The following YAF2 variants were observed in gnomAD, a reference collection of about 807,000 sequenced individuals.
YAF2 encodes YY1 associated factor 2.
YAF2 carries 7 observed loss-of-function variants against 20.1 expected under a neutral mutation model. That is an observed-to-expected ratio of 0.35 (90% confidence interval 0.20 to 0.65). The LOEUF (loss-of-function observed/expected upper bound fraction) is 0.65, where lower values mean the gene tolerates loss of function less well. YAF2 is among the 30% of genes least tolerant of loss of function. The pLI, the probability that YAF2 is intolerant of heterozygous loss-of-function variation, is 0.69. For synonymous variants in YAF2, 74 were observed against 76.0 expected (o/e 0.97, Z 0.14); for missense variants, 151 against 219.2 (o/e 0.69, Z 1.96).
chr12:42,214,259 C>T (rs1262425961), intron 2 of YAF2, among the ~76,000 whole-genome samples: 1 of 152,190 alleles, frequency 6.6e-6, no homozygotes, highest in East Asian at 1.9e-4. Flanking sequence ...AACTACAACT[C>T]TTTCACAAAT....
intron 1 of YAF2, 26 bp from the exon 2 acceptor site, chr12:42,237,750 GC>G: frequency 6.7e-7 from 1 of 1,491,476 alleles, no homozygotes; most frequent in Admixed American, 2.2e-5. Context: ...CGGACACGAC[GC>G]GGCGCGGGGT....
At chr12:42,210,338 A>G (rs959927665) in intron 2 of YAF2, 1 of 1,490,392 alleles carries the variant, frequency 6.7e-7, no homozygotes, top group African/African-American at 1.4e-5. Context: ...CAGGTTTGTG[A>G]AAACTAGATT....
chr12:42,202,884 G>A (rs368238479), intron 2 of YAF2, among the ~76,000 whole-genome samples: 3 of 152,070 alleles, frequency 2.0e-5, no homozygotes, highest in Admixed American at 1.3e-4. Flanking sequence ...TGATTCACCC[G>A]CCTCCGCCTC....
intron 2 of YAF2, among the ~76,000 whole-genome samples, chr12:42,196,227 GAAAAAAA>G (rs34267272): frequency 3.0e-4 from 22 of 74,512 alleles, no homozygotes; most frequent in South Asian, 5.5e-4. Context: ...AATCCATCTG[GAAAAAAA>G]AAAAAAAAAA....
chr12:42,212,494 CAAAG>C (rs2067240847), intron 2 of YAF2: 1 of 440,958 alleles, frequency 2.3e-6, no homozygotes, highest in Non-Finnish European at 4.5e-6. Context: ...TCTATGGAAA[CAAAG>C]AAAGTGTATA....
chr12:42,234,180 C>CA (rs745855424), intron 2 of YAF2: 25,118 of 790,644 alleles, frequency 0.032, 122 homozygotes, highest in Non-Finnish European at 0.034. Flanking sequence ...AATTCTGCCT[C>CA]AAAAAAAAAA....
At chr12:42,236,019 CTTCTAGTTTCAGTATTT>C in intron 2 of YAF2, 1 of 1,534,510 alleles carries the variant, frequency 6.5e-7, no homozygotes, top group Non-Finnish European at 8.7e-7. Flanking sequence ...CATATAGGCT[CTTCTAGTTTCAGTATTT>C]TTCTAATGGC....
At chr12:42,223,357 T>C (rs200894773) in intron 2 of YAF2, among the ~76,000 whole-genome samples, 59 of 119,086 alleles carry the variant, frequency 5.0e-4, no homozygotes, top group African/African-American at 1.1e-3. Flanking sequence ...CACACACACA[T>C]ATATATACAC....
intron 1 of YAF2, among the ~76,000 whole-genome samples, 162 bp downstream of exon 1, chr12:42,237,993 G>A (rs2068236885): frequency 2.0e-5 from 3 of 148,334 alleles, no homozygotes; most frequent in African/African-American, 4.9e-5. Context: ...CCATTGTGGG[G>A]CGGCCGGCGC....
chr12:42,222,931 C>G (rs1328946471), intron 2 of YAF2, among the ~76,000 whole-genome samples: 3 of 149,772 alleles, frequency 2.0e-5, no homozygotes, highest in Non-Finnish European at 4.4e-5. Context: ...TTATTGCTGC[C>G]AAATTCTTTT....
rs537989128 is a variant in YAF2 at position 42,164,807 on chromosome 12, C to T, written c.153-3042G>A. 1.1e-4 allele frequency among the ~76,000 whole-genome samples: 17 copies of T among 152,218 alleles called. 1 individual carries two copies. The South Asian group carries it at 3.3e-3, about 30-fold the overall frequency. The stretch of plus-strand genomic sequence containing the variant: ...GTTTACAACCAAGCGTGGTGGCTCA[C>T]ACCTGTAATCCCAGCACTTTGGGAG... On this transcript the variant is annotated intron_variant, in intron 2 of 3. Transcript: ENST00000534854.
chr12:42,219,568 A>G (rs541887923), intron 2 of YAF2, among the ~76,000 whole-genome samples: 2 of 152,288 alleles, frequency 1.3e-5, no homozygotes, highest in Admixed American at 1.3e-4. Flanking sequence ...ACATACTCAC[A>G]TTCCTGTACA....
intron 2 of YAF2, among the ~76,000 whole-genome samples, chr12:42,236,615 T>G (rs11181384): frequency 0.16 from 24,411 of 152,246 alleles, 2,394 homozygotes; most frequent in Admixed American, 0.24. Flanking sequence ...ATCTAACGTC[T>G]ACTGAATATT....
chr12:42,233,973 C>A, intron 2 of YAF2: 3 of 899,726 alleles, frequency 3.3e-6, no homozygotes, highest in Non-Finnish European at 4.0e-6. Flanking sequence ...GAGTTTGAGA[C>A]CAGCCTGGCC....
chr12:42,174,209 C>T (rs540782625), intron 2 of YAF2, among the ~76,000 whole-genome samples: 1 of 152,038 alleles, frequency 6.6e-6, no homozygotes, highest in East Asian at 1.9e-4. Flanking sequence ...TCACTCTATA[C>T]TTTTCCCACT....
chr12:42,166,724 C>T (rs1259817764), intron 2 of YAF2, among the ~76,000 whole-genome samples: 1 of 151,894 alleles, frequency 6.6e-6, no homozygotes, highest in Non-Finnish European at 1.5e-5. Context: ...TGGCTTTACA[C>T]CATCCCCTGA....
Position 42,217,966 on chromosome 12 carries a change from C to T in YAF2, c.152+19633G>A, listed in dbSNP as rs182399178. ...CATAATATATAAAATGGCACAGTGG[C>T]CTAAAAAAGACCATGACCATGCTCA... On this transcript the variant is annotated intron_variant, in intron 2 of 3. Transcript: ENST00000534854. 3.9e-5 allele frequency among the ~76,000 whole-genome samples: 6 copies of T among 152,016 alleles called. No homozygotes were observed. The East Asian group carries it at 1.2e-3, about 30-fold the overall frequency.
At chr12:42,224,302 G>C (rs1475095054) in intron 2 of YAF2, among the ~76,000 whole-genome samples, 3 of 152,124 alleles carry the variant, frequency 2.0e-5, no homozygotes, top group Non-Finnish European at 4.4e-5. Context: ...TTTAGTTTCT[G>C]ATAGGCCCTT....
At chr12:42,232,478 C>G (rs926118842) in intron 2 of YAF2, 5 of 985,240 alleles carry the variant, frequency 5.1e-6, no homozygotes, top group African/African-American at 3.5e-5. Flanking sequence ...TACAATTAAC[C>G]AGTGTGAGTC....
Sources: allele counts gnomAD v4.1 joint callset (sites outside exome capture counted in the v4.1 genomes callset), GRCh38; gene constraint gnomAD v4.1.1; transcripts MANE v1.5; gene names NCBI Gene and HGNC (gene_info 2026-07-23, HGNC 2026-07-21).